SPATA31H1: variants seen among roughly 807,000 people sequenced by gnomAD.
The protein encoded by SPATA31H1 is SPATA31 subfamily H member 1.
the SPATA31H1 span, among the ~76,000 whole-genome samples, chr2:27,541,061 G>T: frequency 1.4e-5 from 2 of 143,220 alleles, no homozygotes; most frequent in Non-Finnish European, 3.0e-5. Context: ...AGGTTGTAGC[G>T]AGCCAAGATC....
the SPATA31H1 span, chr2:27,580,085 A>G: frequency 6.2e-7 from 1 of 1,614,196 alleles, no homozygotes; most frequent in Non-Finnish European, 8.5e-7. Flanking sequence ...TTAGGCTGAG[A>G]ATTGGGAAAA....
At chr2:27,577,129 C>A in the SPATA31H1 span, 3 of 1,614,036 alleles carry the variant, frequency 1.9e-6, no homozygotes, top group South Asian at 3.3e-5. This position sits in a 1 kb window ranked among gnomAD's most constrained non-coding sequence, Gnocchi z 4.5. Flanking sequence ...CCAAAGCTAA[C>A]AGGTAGAGCT....
At chr2:27,556,692 A>T in the SPATA31H1 span, among the ~76,000 whole-genome samples, 18 of 131,198 alleles carry the variant, frequency 1.4e-4, no homozygotes, top group South Asian at 4.5e-4. Flanking sequence ...AAGGGCATAT[A>T]TTTTTTTTTT....
chr2:27,579,570 A>G, the SPATA31H1 span: 50 of 1,614,228 alleles, frequency 3.1e-5, no homozygotes, highest in South Asian at 5.0e-4. Context: ...AATAAAGAAG[A>G]CAAACTCAAC....
At chr2:27,544,110 T>C in the SPATA31H1 span, among the ~76,000 whole-genome samples, 1 of 151,972 alleles carries the variant, frequency 6.6e-6, no homozygotes, top group Non-Finnish European at 1.5e-5. Flanking sequence ...ACAGTGTAAA[T>C]TACTCAGGAA....
the SPATA31H1 span, chr2:27,579,086 TCA>T: frequency 1.9e-6 from 3 of 1,614,162 alleles, no homozygotes; most frequent in Non-Finnish European, 2.5e-6. Context: ...AGAACTCACT[TCA>T]GAGACATCTA....
chr2:27,564,752 G>A, the SPATA31H1 span, among the ~76,000 whole-genome samples: 2 of 151,834 alleles, frequency 1.3e-5, no homozygotes, highest in African/African-American at 2.4e-5. Flanking sequence ...GCAGTGAGCC[G>A]AGATGGCACC....
chr2:27,564,131 A>G, the SPATA31H1 span, among the ~76,000 whole-genome samples: 1 of 152,226 alleles, frequency 6.6e-6, no homozygotes. Flanking sequence ...GTTCCTGGCT[A>G]CACAGTGGGT....
the SPATA31H1 span, among the ~76,000 whole-genome samples, chr2:27,556,866 G>C: frequency 5.8e-5 from 6 of 104,220 alleles, no homozygotes; most frequent in Admixed American, 6.4e-4. Flanking sequence ...TTGGCCTTCC[G>C]CAGTGTTTGT....
chr2:27,543,362 C>A, the SPATA31H1 span, among the ~76,000 whole-genome samples: 20 of 151,930 alleles, frequency 1.3e-4, no homozygotes, highest in Admixed American at 1.1e-3. Context: ...GTTATTTTAA[C>A]ATCATGTTTA....
At chr2:27,551,488 C>CA in the SPATA31H1 span, among the ~76,000 whole-genome samples, 1 of 151,948 alleles carries the variant, frequency 6.6e-6, no homozygotes, top group Non-Finnish European at 1.5e-5. Context: ...GAAAAAGAGA[C>CA]AGGGAGAGAG....
the SPATA31H1 span, chr2:27,575,972 C>T: frequency 2.5e-6 from 1 of 398,570 alleles, no homozygotes; most frequent in East Asian, 3.6e-5. The surrounding 1 kb of genome is among the most constrained non-coding windows in gnomAD (Gnocchi z 4.1). Context: ...CTATGATGTT[C>T]AACCCTATAC....
chr2:27,580,414 AAAAG>A, the SPATA31H1 span: 2 of 1,614,100 alleles, frequency 1.2e-6, no homozygotes, highest in South Asian at 2.2e-5. Context: ...GTGAGAACCA[AAAAG>A]ACCTCTGATT....
the SPATA31H1 span, chr2:27,579,881 C>T: frequency 6.2e-7 from 1 of 1,614,150 alleles, no homozygotes; most frequent in Non-Finnish European, 8.5e-7. Context: ...GTCAAATACC[C>T]CCCGATGTGC....
At chr2:27,537,733 A>G in the SPATA31H1 span, among the ~76,000 whole-genome samples, 1 of 152,086 alleles carries the variant, frequency 6.6e-6, no homozygotes, top group Non-Finnish European at 1.5e-5. Flanking sequence ...TTTTTCCTTC[A>G]ATTCATTTCA....
chr2:27,580,098 T>A, the SPATA31H1 span: 1 of 1,614,064 alleles, frequency 6.2e-7, no homozygotes, highest in Non-Finnish European at 8.5e-7. Flanking sequence ...TGGGAAAAGA[T>A]CCCAAATCTC....
chr2:27,566,893 A>G, the SPATA31H1 span: 1 of 717,444 alleles, frequency 1.4e-6, no homozygotes, highest in East Asian at 2.7e-5. Flanking sequence ...TCATCATGCA[A>G]TGACTCCAGT....
At chr2:27,581,250 A>T in the SPATA31H1 span, 2 of 1,614,106 alleles carry the variant, frequency 1.2e-6, no homozygotes, top group Middle Eastern at 1.6e-4. Flanking sequence ...AACCCGTCAT[A>T]ACCCCTCTTG....
At chr2:27,575,919 T>C in the SPATA31H1 span, 2 of 398,574 alleles carry the variant, frequency 5.0e-6, no homozygotes, top group South Asian at 1.3e-4. The surrounding 1 kb of genome is among the most constrained non-coding windows in gnomAD (Gnocchi z 4.1). Flanking sequence ...AGGTATGAAG[T>C]GTTCTGAATT....
Sources: allele counts gnomAD v4.1 joint callset (sites outside exome capture counted in the v4.1 genomes callset), GRCh38; gene constraint gnomAD v4.1.1; non-coding constraint Gnocchi (gnomAD v3.1); transcripts MANE v1.5; gene names NCBI Gene and HGNC (gene_info 2026-07-23, HGNC 2026-07-21).